RFX3: variants seen among roughly 807,000 people sequenced by gnomAD.
RFX3 encodes regulatory factor X3, also known as transcription factor RFX3.
A neutral mutation model predicts 98.6 loss-of-function variants in RFX3; 14 were observed. The ratio of observed to expected loss-of-function variants is 0.14; its 90% confidence interval spans 0.09 to 0.22. The LOEUF is 0.22. Among genes scored for constraint, RFX3 ranks in the 10% least tolerant of loss-of-function variants. RFX3 has a pLI of 1.00. For missense variants in RFX3, 639 were observed against 926.9 expected (o/e 0.69, Z 4.03); for synonymous variants, 383 against 328.4 (o/e 1.17, Z -1.80).
chr9:3,224,209 CTAACTA>C lies in RFX3; in HGVS notation c.*827_*832del, dbSNP rs1371465872. 13 of 151,718 alleles carry C rather than the reference CTAACTA, an allele frequency of 8.6e-5. 1 individual carries two copies. Among genetic ancestry groups the C allele is most frequent in the African/African-American group, 2.9e-4 (12 of 41,400 alleles). 9.4% of individuals were successfully genotyped at this position (151,718 alleles called of 1,614,324 possible). A position where few individuals can be genotyped will look rare whatever the true frequency, so the allele number is the denominator to read the frequency against. On this transcript the variant is annotated 3_prime_UTR_variant, in exon 17 of 17. Coordinates refer to ENST00000617270, the MANE Select transcript of RFX3 (RefSeq NM_001282116.2). ...AAGTCTTTTTTTTCTGCTTCAGTAT[CTAACTA>C]TAACAGCCCCCACTTAACAGCAGAA...
chr9:3,459,132 C>T (rs1287455072), intron 1 of RFX3, among the ~76,000 whole-genome samples: 1 of 152,122 alleles, frequency 6.6e-6, no homozygotes, highest in East Asian at 1.9e-4. Context: ...CACCCTATCA[C>T]TTGAGAGATG....
chr9:3,390,808 A>C (rs551978114), intron 2 of RFX3, among the ~76,000 whole-genome samples: 11 of 152,196 alleles, frequency 7.2e-5, no homozygotes, highest in Admixed American at 6.5e-4. Flanking sequence ...CATGAACTGT[A>C]AGTCCCTTAA....
In RFX3 at chr9:3,293,668, T is replaced by C. The variant is rs549476803; in HGVS notation, c.550-410A>G. Among the ~76,000 whole-genome samples the C allele has an allele frequency of 5.9e-5, 9 of 152,276 alleles. No individual in the cohort carries two copies. The East Asian group carries it at 1.7e-3, about 29-fold the overall frequency. ...CATGGTAAACAGTATGTCTTTAGTGTTGGCTTATTATAACATATGAACAGC... is the reference window on the plus strand; with the variant it reads ...CATGGTAAACAGTATGTCTTTAGTGCTGGCTTATTATAACATATGAACAGC... On this transcript the variant is annotated intron_variant, in intron 5 of 16. Coordinates refer to ENST00000617270, the MANE Select transcript of RFX3 (RefSeq NM_001282116.2).
rs377296978 is a variant in RFX3 at position 3,257,116 on chromosome 9, C to G, written c.1689G>C (p.Gln563His). Residue 563 changes from glutamine to histidine, a missense_variant, in exon 14 of 17, where the codon CAG becomes CAC. Physicochemically the swap from Gln to His is conservative, Grantham distance 24. Around this residue, in one of 9 missense-constraint regions of RFX3, gnomAD observed 138 missense variants for 308.9 expected, o/e 0.45. Transcript: ENST00000617270. ...ACGCAGCCCACTGCTCCAGGGTGCTCTGCTGCTGAAGAGTCATCTTGAAGT... is the reference window on the plus strand; with the variant it reads ...ACGCAGCCCACTGCTCCAGGGTGCTGTGCTGCTGAAGAGTCATCTTGAAGT... ...ETDFKMTLQQ[Q>H]STLEQWAAWL... 12 of 1,613,916 alleles carry G rather than the reference C, an allele frequency of 7.4e-6. No homozygotes were observed. In the African/African-American group the frequency reaches 1.5e-4, roughly 20 times the overall value.
chr9:3,279,227 A>G (rs931603268), intron 7 of RFX3, among the ~76,000 whole-genome samples: 11 of 151,838 alleles, frequency 7.2e-5, no homozygotes, highest in Middle Eastern at 3.4e-3. Context: ...TGTTCAGGAA[A>G]GTTTCTTTTC....
intron 14 of RFX3, among the ~76,000 whole-genome samples, chr9:3,250,978 C>G (rs2131006365): frequency 6.6e-6 from 1 of 152,172 alleles, no homozygotes; most frequent in African/African-American, 2.4e-5. Context: ...TATCCTTTTA[C>G]TTGAACTTAT....
At chr9:3,233,336 C>A (rs558462133) in intron 15 of RFX3, among the ~76,000 whole-genome samples, 36 of 152,278 alleles carry the variant, frequency 2.4e-4, no homozygotes, top group African/African-American at 8.2e-4. Flanking sequence ...AGTATCTATA[C>A]CTGAGCATAC....
At chr9:3,466,732 G>A (rs1235176868) in intron 1 of RFX3, among the ~76,000 whole-genome samples, 1 of 151,950 alleles carries the variant, frequency 6.6e-6, no homozygotes, top group Non-Finnish European at 1.5e-5. Context: ...TAAATGTCAA[G>A]AAATGAGTCT....
chr9:3,436,833 T>G (rs1222094460), intron 1 of RFX3, among the ~76,000 whole-genome samples: 1 of 151,966 alleles, frequency 6.6e-6, no homozygotes, highest in Non-Finnish European at 1.5e-5. Context: ...GGGAAGGAGA[T>G]GTGACAAGCA....
intron 4 of RFX3, among the ~76,000 whole-genome samples, chr9:3,313,498 A>C (rs1169129703): frequency 1.3e-5 from 2 of 152,232 alleles, no homozygotes; most frequent in African/African-American, 4.8e-5. Context: ...CCAGCAACGG[A>C]ACAAAGCTGG....
intron 7 of RFX3, among the ~76,000 whole-genome samples, chr9:3,280,864 A>G (rs1825837010): frequency 1.3e-5 from 2 of 151,764 alleles, no homozygotes; most frequent in Admixed American, 1.3e-4. Context: ...AGATTCCTTC[A>G]GCCCAATGTT....
intron 1 of RFX3, chr9:3,488,692 A>C: frequency 1.5e-6 from 1 of 679,826 alleles, no homozygotes; most frequent in Non-Finnish European, 1.8e-6. Context: ...ACACAAAACT[A>C]CTCAATTTCT....
intron 2 of RFX3, among the ~76,000 whole-genome samples, chr9:3,376,323 G>T (rs1390143782): frequency 6.6e-6 from 1 of 152,124 alleles, no homozygotes; most frequent in African/African-American, 2.4e-5. Context: ...GACTCAACAG[G>T]TCCACTCCTA....
At chr9:3,275,654 G>A (rs1825110199) in intron 8 of RFX3, 42 bp from the exon 9 acceptor site, 1 of 1,238,302 alleles carries the variant, frequency 8.1e-7, no homozygotes, top group East Asian at 2.3e-5. Context: ...TATTGTGGAT[G>A]GTGCCAATTA....
chr9:3,478,560 A>G (rs376086378), intron 1 of RFX3, among the ~76,000 whole-genome samples: 8 of 152,102 alleles, frequency 5.3e-5, no homozygotes, highest in Admixed American at 2.0e-4. Flanking sequence ...ACCTTTTGCC[A>G]AAGAAATCTT....
At chr9:3,332,823 T>C (rs1465967735) in intron 3 of RFX3, among the ~76,000 whole-genome samples, 1 of 152,190 alleles carries the variant, frequency 6.6e-6, no homozygotes, top group Non-Finnish European at 1.5e-5. Context: ...CTTCACTACA[T>C]AAGGATTCCT....
At chr9:3,264,495 A>T (rs1269505854) in intron 12 of RFX3, among the ~76,000 whole-genome samples, 1 of 152,154 alleles carries the variant, frequency 6.6e-6, no homozygotes, top group Non-Finnish European at 1.5e-5. Flanking sequence ...CTCAAAAAAG[A>T]ACCTTATTCC....
chr9:3,401,281 A>C (rs1350053163), intron 1 of RFX3, among the ~76,000 whole-genome samples: 1 of 152,234 alleles, frequency 6.6e-6, no homozygotes, highest in East Asian at 1.9e-4. Context: ...AAATTTTGCT[A>C]AACAGATCAT....
In RFX3 at chr9:3,389,298, C is replaced by G. The variant is rs536484699; in HGVS notation, c.117+6174G>C. ...AAAACAAAGAATAATCTACAAGAAACTCTTTACCAAATCATTCAAGGATGA... is the reference window on the plus strand; with the variant it reads ...AAAACAAAGAATAATCTACAAGAAAGTCTTTACCAAATCATTCAAGGATGA... On this transcript the variant is annotated intron_variant, in intron 2 of 16. Transcript: ENST00000617270. 1.2e-4 allele frequency among the ~76,000 whole-genome samples: 18 copies of G among 152,244 alleles called. No homozygotes were observed. In the South Asian group the frequency reaches 3.5e-3, roughly 30 times the overall value.
Sources: gnomAD v4.1 joint callset for allele counts (sites outside exome capture counted in the v4.1 genomes callset) on GRCh38, gnomAD v4.1.1 for gene constraint, gnomAD v4.1.1 regional missense constraint, MANE v1.5 for transcripts, NCBI Gene and HGNC (gene_info 2026-07-23, HGNC 2026-07-21) for gene names.